STXBP5L: variants seen among roughly 807,000 people sequenced by gnomAD.
STXBP5L encodes syntaxin binding protein 5L.
Under a neutral mutation model 144.5 loss-of-function variants are expected in STXBP5L, and 65 were observed. The ratio of observed to expected loss-of-function variants is 0.45; its 90% CI spans 0.37 to 0.55. The LOEUF is 0.55. Among genes scored for constraint, STXBP5L ranks in the 20% least tolerant of loss-of-function variants. STXBP5L has a pLI of 0.00. For synonymous variants in STXBP5L, 505 were observed against 469.6 expected (o/e 1.08, Z -0.97); for missense variants, 1,298 against 1,405.5 (o/e 0.92, Z 1.22).
intron 2 of STXBP5L, among the ~76,000 whole-genome samples, chr3:120,925,514 T>A (rs1284785879): frequency 2.0e-5 from 3 of 152,168 alleles, no homozygotes; most frequent in African/African-American, 4.8e-5. Context: ...GCATGGAATA[T>A]CTTTTTCCAC....
At chr3:121,136,436 A>G (rs1316511150) in intron 7 of STXBP5L, among the ~76,000 whole-genome samples, 1 of 152,188 alleles carries the variant, frequency 6.6e-6, no homozygotes, top group Non-Finnish European at 1.5e-5. Context: ...CTTCTTGCCT[A>G]CTTCAGCAGC....
chr3:121,330,287 C>T (rs1259763040), intron 20 of STXBP5L, among the ~76,000 whole-genome samples: 2 of 152,216 alleles, frequency 1.3e-5, no homozygotes, highest in African/African-American at 4.8e-5. Context: ...GGGCTTACTG[C>T]TGCCTGCTAC....
At chr3:120,938,671 C>T (rs1710395009) in intron 2 of STXBP5L, among the ~76,000 whole-genome samples, 1 of 152,176 alleles carries the variant, frequency 6.6e-6, no homozygotes, top group Non-Finnish European at 1.5e-5. Context: ...TCTTTCATCT[C>T]GAGATGGGAT....
chr3:121,208,064 T>C (rs200956081), intron 10 of STXBP5L, among the ~76,000 whole-genome samples: 2 of 152,034 alleles, frequency 1.3e-5, no homozygotes, highest in African/African-American at 2.4e-5. Context: ...TTCACAATAG[T>C]AAAGACTTGG....
chr3:120,927,478 G>T (rs1308646319), intron 2 of STXBP5L, among the ~76,000 whole-genome samples: 1 of 152,214 alleles, frequency 6.6e-6, no homozygotes, highest in African/African-American at 2.4e-5. Flanking sequence ...TACTGCTAAT[G>T]CTTTCCCTGG....
At chr3:120,961,696 C>G (rs1047858036) in intron 3 of STXBP5L, among the ~76,000 whole-genome samples, 1 of 152,130 alleles carries the variant, frequency 6.6e-6, no homozygotes, top group South Asian at 2.1e-4. Flanking sequence ...GGGATGCTTC[C>G]AAGTCTTTGC....
At chr3:121,364,102 T>C (rs188874827) in intron 20 of STXBP5L, among the ~76,000 whole-genome samples, 57 of 152,314 alleles carry the variant, frequency 3.7e-4, no homozygotes, top group African/African-American at 1.3e-3. Flanking sequence ...ATTTTAGAAA[T>C]TGTTACCAAA....
chr3:121,077,111 G>C (rs1030666593), intron 5 of STXBP5L, among the ~76,000 whole-genome samples: 1 of 152,126 alleles, frequency 6.6e-6, no homozygotes, highest in Non-Finnish European at 1.5e-5. Context: ...CACTTCCTCT[G>C]TCCCTGAAAC....
chr3:121,305,390 G>T (rs895002418), intron 19 of STXBP5L, among the ~76,000 whole-genome samples: 1 of 152,010 alleles, frequency 6.6e-6, no homozygotes, highest in Non-Finnish European at 1.5e-5. Context: ...CTCATTTATG[G>T]AACTAGATGC....
intron 20 of STXBP5L, among the ~76,000 whole-genome samples, chr3:121,344,698 A>ACCT (rs2044880483): frequency 6.6e-6 from 1 of 151,998 alleles, no homozygotes; most frequent in Non-Finnish European, 1.5e-5. Flanking sequence ...TAAAAGAGTT[A>ACCT]ATAATTCTAT....
At chr3:121,163,120 A>G (rs948418684) in intron 9 of STXBP5L, among the ~76,000 whole-genome samples, 1 of 152,230 alleles carries the variant, frequency 6.6e-6, no homozygotes, top group Admixed American at 6.5e-5. Context: ...ACACATGCAC[A>G]TGTATGTTTA....
At chr3:121,326,507 TA>T (rs2044153778) in intron 20 of STXBP5L, among the ~76,000 whole-genome samples, 2 of 152,078 alleles carry the variant, frequency 1.3e-5, no homozygotes, top group Non-Finnish European at 2.9e-5. Context: ...GTACATAAAC[TA>T]AAAACATTTT....
rs184398755 is a variant in STXBP5L, at chr3:121,315,497, G to C, written c.2111-2978G>C. Among the ~76,000 whole-genome samples the C allele has an allele frequency of 4.6e-5, 6 of 129,680 alleles. No homozygotes were observed. In the South Asian group the frequency reaches 1.5e-3, roughly 32 times the overall value. 85.1% of individuals were successfully genotyped at this position (129,680 alleles called of 152,430 possible). Reference sequence around the variant, plus strand: ...CTGGGGACTGTTGTGGGGTGGGGAGGGGGGAGGGATAGCATTAGGAGATAT... The same window carrying C: ...CTGGGGACTGTTGTGGGGTGGGGAGCGGGGAGGGATAGCATTAGGAGATAT... On this transcript the variant is annotated intron_variant, in intron 19 of 26. Coordinates refer to ENST00000471454, the MANE Select transcript of STXBP5L (RefSeq NM_001308330.2).
chr3:121,218,122 A>G (rs1475698442), intron 10 of STXBP5L, among the ~76,000 whole-genome samples: 1 of 140,522 alleles, frequency 7.1e-6, no homozygotes. Context: ...ATATAGTATA[A>G]TATAATATGT....
chr3:121,039,171 A>G (rs920373172), intron 3 of STXBP5L, among the ~76,000 whole-genome samples: 4 of 148,370 alleles, frequency 2.7e-5, no homozygotes, highest in African/African-American at 1.0e-4. Flanking sequence ...ACTAGTTCTT[A>G]GCTCCCCCCA....
At chr3:120,982,621 G>C (rs533300125) in intron 3 of STXBP5L, among the ~76,000 whole-genome samples, 68 of 152,212 alleles carry the variant, frequency 4.5e-4, no homozygotes, top group Admixed American at 8.5e-4. Flanking sequence ...CTTTGGAGTA[G>C]AACCTCTTAT....
chr3:121,012,130 G>A (rs539305337), intron 3 of STXBP5L, among the ~76,000 whole-genome samples: 1 of 151,716 alleles, frequency 6.6e-6, no homozygotes, highest in Non-Finnish European at 1.5e-5. Context: ...GTTTATGCAT[G>A]TATCAATACT....
Position 121,179,754 on chromosome 3 carries a change from C to T in STXBP5L, c.877+22127C>T, listed in dbSNP as rs146569502. On this transcript the variant is annotated intron_variant, in intron 9 of 26. Transcript: ENST00000471454. ...CATAAAGAAAAAACAATCACAACTT[C>T]TGGAAATGAAAGACACACTTAGGGA... Among the ~76,000 whole-genome samples, 56 of 152,164 alleles carry T rather than the reference C, an allele frequency of 3.7e-4. 1 individual carries two copies. Among genetic ancestry groups the T allele is most frequent in the Admixed American group, 3.6e-3 (55 of 15,278 alleles).
At chr3:121,009,125 A>T (rs558692977) in intron 3 of STXBP5L, among the ~76,000 whole-genome samples, 1 of 152,060 alleles carries the variant, frequency 6.6e-6, no homozygotes, top group East Asian at 1.9e-4. Flanking sequence ...GTTCCTCATT[A>T]TGAAGGCAGT....
Sources: gnomAD v4.1 joint callset for allele counts (sites outside exome capture counted in the v4.1 genomes callset) on GRCh38, gnomAD v4.1.1 for gene constraint, MANE v1.5 for transcripts, NCBI Gene and HGNC (gene_info 2026-07-23, HGNC 2026-07-21) for gene names.